ERBB2: variants seen among roughly 807,000 people sequenced by gnomAD.
The protein encoded by ERBB2 is erb-b2 receptor tyrosine kinase 2, also known as receptor tyrosine-protein kinase erbB-2.
Under a neutral mutation model 149.0 loss-of-function variants are expected in ERBB2, and 61 were observed. The ratio of observed to expected loss-of-function variants is 0.41; its 90% CI spans 0.33 to 0.51. The LOEUF (loss-of-function observed/expected upper bound fraction) is 0.51. Among genes scored for constraint, ERBB2 ranks in the 20% least tolerant of loss-of-function variants. The probability of loss-of-function intolerance (pLI) is 0.25; values close to 1 mark genes in which losing one functional copy is unlikely to be tolerated. For synonymous variants in ERBB2, 633 were observed against 678.8 expected (o/e 0.93, Z 1.05); for missense variants, 1,205 against 1,655.1 (o/e 0.73, Z 4.72).
chr17:39,699,575 T>A (rs1211697061), upstream of ERBB2: 1 of 1,528,940 alleles, frequency 6.5e-7, no homozygotes, highest in Non-Finnish European at 8.8e-7. Context: ...CCGGGGGTCC[T>A]GGAAGCCACA....
At position 39,715,824 on chromosome 17, in the gene ERBB2, C is replaced by T. The variant is rs962527992; in HGVS notation, c.1398C>T (p.Ala466=). ...RSLRELGSGL[A]LIHHNTHLCF... ...TGAGGGAACTGGGCAGTGGACTGGC[C>T]CTCATCCACCATAACACCCACCTCT... The change falls in exon 12 of 27, where the codon GCC becomes GCT. Residue 466 remains alanine (A), a synonymous_variant. Transcript: ENST00000269571. 6.2e-7 allele frequency: 1 copy of T among 1,611,504 alleles called. No individual in the cohort carries two copies. Among genetic ancestry groups the T allele is most frequent in the African/African-American group, 1.3e-5 (1 of 74,908 alleles).
chr17:39,709,619 G>T (rs1232357778), intron 4 of ERBB2, among the ~76,000 whole-genome samples, 167 bp downstream of exon 4: 1 of 152,090 alleles, frequency 6.6e-6, no homozygotes, highest in African/African-American at 2.4e-5. Context: ...TTCATCTCTG[G>T]GGTTCTCTGT....
upstream of ERBB2, chr17:39,699,439 C>A: frequency 1.0e-6 from 1 of 981,872 alleles, no homozygotes. Flanking sequence ...CCAGCCTGGG[C>A]AACAAGAGCA....
At chr17:39,720,090 G>C in intron 16 of ERBB2, 1 of 500,734 alleles carries the variant, frequency 2.0e-6, no homozygotes, top group South Asian at 2.2e-5. Flanking sequence ...TGCCTTGTGA[G>C]GGACACAGGC....
chr17:39,719,113 T>C (rs532092505), intron 15 of ERBB2, among the ~76,000 whole-genome samples: 2 of 150,954 alleles, frequency 1.3e-5, no homozygotes, highest in Middle Eastern at 6.9e-3. Context: ...ATACAAAAAT[T>C]AGCCAGGCGT....
upstream of ERBB2, among the ~76,000 whole-genome samples, chr17:39,695,562 G>T (rs1204542274): frequency 6.6e-6 from 1 of 152,028 alleles, no homozygotes; most frequent in Non-Finnish European, 1.5e-5. Flanking sequence ...CAGCCTCAAG[G>T]CACTGTGGGG....
intron 1 of ERBB2, chr17:39,703,474 G>C (rs942716802): frequency 1.3e-5 from 2 of 152,198 alleles, no homozygotes; most frequent in African/African-American, 4.8e-5. Flanking sequence ...TTATTCTAGC[G>C]AATGTTTGTG....
upstream of ERBB2, among the ~76,000 whole-genome samples, chr17:39,691,031 C>T (rs867384268): frequency 2.7e-5 from 4 of 146,322 alleles, no homozygotes; most frequent in Admixed American, 1.4e-4. Context: ...AGCAAAACTC[C>T]GTTTCAAAAA....
At chr17:39,707,512 G>T (rs142177886) in intron 2 of ERBB2, 1 of 191,458 alleles carries the variant, frequency 5.2e-6, no homozygotes, top group African/African-American at 2.3e-5. Flanking sequence ...TGCCACTGAC[G>T]AGCCCTATGA....
chr17:39,699,562 G>GC (rs927018573), upstream of ERBB2: 6 of 1,534,174 alleles, frequency 3.9e-6, no homozygotes, highest in Non-Finnish European at 5.2e-6. Flanking sequence ...CAGAAGATAT[G>GC]CCCCGGGGGT....
chr17:39,723,768 G>T lies in ERBB2; in HGVS notation c.2208+108G>T. On this transcript the variant is annotated intron_variant, in intron 18 of 26. Coordinates refer to ENST00000269571, the MANE Select transcript of ERBB2 (RefSeq NM_004448.4). The surrounding 1 kb of genome is among the most constrained non-coding windows in gnomAD (Gnocchi z 6.2). ...GGGCAAGAGCTGGAGGCAGTGTTTG[G>T]GGGAGGGCAGTTACAGCGGAGAAGG... 34 of 1,519,908 alleles carry T rather than the reference G, an allele frequency of 2.2e-5. 2 individuals carry two copies. The South Asian group carries it at 4.1e-4, about 18-fold the overall frequency. The allele number at this position is 1,519,908 out of a possible 1,614,324, so 94.2% of individuals were successfully genotyped here.
upstream of ERBB2, among the ~76,000 whole-genome samples, chr17:39,694,244 T>TAC (rs1567887952): frequency 4.6e-4 from 12 of 25,860 alleles, no homozygotes; most frequent in African/African-American, 1.3e-3. Flanking sequence ...TATATATATA[T>TAC]ATATATATAT....
chr17:39,697,510 C>A (rs1183364455), upstream of ERBB2, among the ~76,000 whole-genome samples: 1 of 151,960 alleles, frequency 6.6e-6, no homozygotes. Flanking sequence ...GCATGCGCCA[C>A]CATGCCCGGC....
intron 12 of ERBB2, 172 bp from the exon 13 acceptor site, chr17:39,716,129 A>G: frequency 2.1e-6 from 2 of 943,592 alleles, no homozygotes; most frequent in African/African-American, 1.7e-5. Flanking sequence ...CTGCCTTGGC[A>G]TCCTTCCCTC....
rs199726056 is a variant in ERBB2, at chr17:39,717,480, C to T, written c.1898C>T (p.Ser633Phe). The change falls in exon 15 of 27, where the codon TCC becomes TTC. Residue 633 changes from serine (S) to phenylalanine (F), a missense_variant and splice_region_variant. Physicochemically the swap from Ser to Phe is radical, Grantham distance 155 (BLOSUM62 -2). This residue lies in a region of ERBB2 where 569 missense variants were observed against 803.5 expected (regional missense o/e 0.71). Transcript: ENST00000269571. ...CCTTGCCCCATCAACTGCACCCACT[C>T]GTGAGTCCAACGGTCTTTTCTGCAG... ...CQPCPINCTH[S>F]CVDLDDKGCP... 5.0e-6 allele frequency: 8 copies of T among 1,610,988 alleles called. No homozygotes were observed. Among genetic ancestry groups the T allele is most frequent in the African/African-American group, 1.3e-5 (1 of 74,990 alleles).
At chr17:39,700,457 GCCGGGCCCTGGGGC>G in intron 1 of ERBB2, 146 bp downstream of exon 1, 3 of 649,452 alleles carry the variant, frequency 4.6e-6, no homozygotes, top group Non-Finnish European at 2.2e-6. Context: ...GCTCAGGGCA[GCCGGGCCCTGGGGC>G]CCTCGGGCGG....
chr17:39,719,512 T>G (rs535461657), intron 15 of ERBB2, among the ~76,000 whole-genome samples: 1 of 152,314 alleles, frequency 6.6e-6, no homozygotes, highest in African/African-American at 2.4e-5. Flanking sequence ...GAGGGAATAG[T>G]TGAGCTCCCG....
Position 39,702,652 on chromosome 17 carries a change from A to C in ERBB2, c.73+2341A>C, listed in dbSNP as rs947849030. The stretch of plus-strand genomic sequence containing the variant: ...GGCATTCCAAAGTCAAACACAAAGC[A>C]TGTTTAATTTTCTCGTGGTTTGGGA... On this transcript the variant is annotated intron_variant, in intron 1 of 26. Coordinates refer to ENST00000269571, the MANE Select transcript of ERBB2 (RefSeq NM_004448.4). Among the ~76,000 whole-genome samples, 3 of 152,246 alleles carry C rather than the reference A, an allele frequency of 2.0e-5. No homozygotes were observed. The East Asian group carries it at 5.8e-4, about 29-fold the overall frequency.
At chr17:39,720,078 G>A (rs546733223) in intron 16 of ERBB2, 1 of 519,942 alleles carries the variant, frequency 1.9e-6, no homozygotes, top group East Asian at 3.3e-5. Context: ...AGAGTAACTT[G>A]ATGCCTTGTG....
Sources: gnomAD v4.1 joint callset for allele counts (sites outside exome capture counted in the v4.1 genomes callset) on GRCh38, gnomAD v4.1.1 for gene constraint, gnomAD v4.1.1 regional missense constraint, Gnocchi (gnomAD v3.1) non-coding constraint, MANE v1.5 for transcripts, NCBI Gene and HGNC (gene_info 2026-07-23, HGNC 2026-07-21) for gene names.